Variants in HAPLN2 observed in about 807,000 individuals in gnomAD.
HAPLN2 encodes the protein hyaluronan and proteoglycan link protein 2.
HAPLN2 carries 27 observed loss-of-function variants against 29.3 expected under a neutral mutation model. That is an observed-to-expected ratio of 0.92 (90% CI 0.68 to 1.27). HAPLN2 has a LOEUF of 1.27. Ranked by LOEUF, HAPLN2 falls within the 50% of genes most tolerant of loss-of-function variation. HAPLN2 has a pLI of 0.00. For missense variants in HAPLN2, 454 were observed against 484.3 expected (o/e 0.94, Z 0.59); for synonymous variants, 208 against 211.7 (o/e 0.98, Z 0.15).
chr1:156,623,033 C>CAAGAAAAAAAAAAAA (rs1678287873), intron 2 of HAPLN2, among the ~76,000 whole-genome samples: 1 of 44,218 alleles, frequency 2.3e-5, no homozygotes, highest in Non-Finnish European at 5.0e-5. Flanking sequence ...CACTCTGTCT[C>CAAGAAAAAAAAAAAA]AAAAAAATAA....
At chr1:156,624,182 C>A (rs1678359995) in intron 4 of HAPLN2, 22 bp downstream of exon 4, 1 of 1,603,816 alleles carries the variant, frequency 6.2e-7, no homozygotes, top group Non-Finnish European at 8.5e-7. Flanking sequence ...CCGCTCCCGC[C>A]CCATTCCTGT....
At chr1:156,610,935 A>T in the HAPLN2 span, among the ~76,000 whole-genome samples, 1 of 152,244 alleles carries the variant, frequency 6.6e-6, no homozygotes, top group Non-Finnish European at 1.5e-5. Flanking sequence ...TAACAAACAT[A>T]AAAATCATAA....
upstream of HAPLN2, chr1:156,614,715 G>A (rs190585427): frequency 4.6e-5 from 7 of 152,236 alleles, no homozygotes; most frequent in Admixed American, 1.3e-4. Flanking sequence ...TTTGAGGCCT[G>A]GGAAAATAAG....
At chr1:156,622,487 AG>A (rs1282590423) in intron 2 of HAPLN2, among the ~76,000 whole-genome samples, 5 of 151,902 alleles carry the variant, frequency 3.3e-5, no homozygotes, top group African/African-American at 1.2e-4. Context: ...AGCAGATCAC[AG>A]TGCACTACAG....
In HAPLN2 at chr1:156,623,498, G is replaced by A; in HGVS notation, c.8G>A (p.Gly3Asp). The A allele has an allele frequency of 6.2e-7, 1 of 1,614,008 alleles. No individual in the cohort carries two copies. Among genetic ancestry groups the A allele is most frequent in the Non-Finnish European group, 8.5e-7 (1 of 1,180,002 alleles). The change falls in exon 3 of 7, where the codon GGC (glycine) becomes GAC (aspartate). Residue 3 changes from glycine (G) to aspartate (D), a missense_variant. Coordinates refer to ENST00000255039, the MANE Select transcript of HAPLN2 (RefSeq NM_021817.3). MPGWLTLPTLCRF... is the reference protein window; with the variant it reads MPDWLTLPTLCRF... ...CCGGGCTGACCCCCCATCATGCCAGGCTGGCTCACCCTCCCCACACTCTGC... is the reference window on the plus strand; with the variant it reads ...CCGGGCTGACCCCCCATCATGCCAGACTGGCTCACCCTCCCCACACTCTGC...
upstream of HAPLN2, among the ~76,000 whole-genome samples, chr1:156,618,872 T>C (rs879469897): frequency 5.3e-4 from 81 of 151,744 alleles, 2 homozygotes; most frequent in Non-Finnish European, 2.9e-5. Context: ...TTAAAAAGGT[T>C]ATCTATTTGT....
At chr1:156,616,879 G>T (rs913961695), upstream of HAPLN2, among the ~76,000 whole-genome samples, 1 of 152,040 alleles carries the variant, frequency 6.6e-6, no homozygotes, top group African/African-American at 2.4e-5. Flanking sequence ...TTGAGTCCAG[G>T]GGTTTGAGAG....
rs373807773 is a variant in HAPLN2 at position 156,623,557 on chromosome 1, A to G, written c.67A>G (p.Lys23Glu). The G allele has an allele frequency of 2.4e-5, 38 of 1,613,948 alleles. No homozygotes were observed. Among genetic ancestry groups the G allele is most frequent in the Non-Finnish European group, 3.2e-5 (38 of 1,180,006 alleles). ...TCTTTGGGCCTTCACCATCTTCCAC[A>G]AAGCCCAAGGAGACCCAGGTAAGAC... The part of the protein sequence containing the change: ...FLLWAFTIFH[K>E]AQGDPASHPG... Residue 23 changes from lysine (K) to glutamate (E), a missense_variant, in exon 3 of 7, where the codon AAA becomes GAA. Physicochemically the swap from Lys to Glu is moderately conservative, Grantham distance 56. Coordinates refer to ENST00000255039, the MANE Select transcript of HAPLN2 (RefSeq NM_021817.3).
intron 2 of HAPLN2, among the ~76,000 whole-genome samples, chr1:156,621,287 T>A (rs370941170): frequency 1.3e-5 from 2 of 151,766 alleles, no homozygotes; most frequent in Admixed American, 1.3e-4. Context: ...GTATTTTTAG[T>A]AGAGACAGGG....
the HAPLN2 span, among the ~76,000 whole-genome samples, chr1:156,613,762 A>C: frequency 6.6e-6 from 1 of 151,958 alleles, no homozygotes. Context: ...TTAAAAATAC[A>C]AAAAATTAGC....
rs1013908950 is a variant in HAPLN2 at position 156,625,252 on chromosome 1, C to G, written c.891C>G (p.Asp297Glu). 3.8e-6 allele frequency: 6 copies of G among 1,573,886 alleles called. No individual in the cohort carries two copies. The highest frequency in any genetic ancestry group is 2.7e-5 in the African/African-American group (2 of 73,978). The change falls in exon 7 of 7, where the codon GAC becomes GAG. Residue 297 changes from aspartate (D) to glutamate (E), a missense_variant. Physicochemically the swap from Asp to Glu is conservative, Grantham distance 45. Transcript: ENST00000255039. The surrounding 1 kb of genome is among the most constrained non-coding windows in gnomAD (Gnocchi z 5.7). ...AGTGCGACGGCGGCTGGCTGGCTGA[C>G]GGCAGTGTGCGCTTCCCAATCACCA... The part of the protein sequence containing the change: ...LDQCDGGWLA[D>E]GSVRFPITTP...
chr1:156,602,549 CAAAAAA>C, the HAPLN2 span, among the ~76,000 whole-genome samples: 3 of 43,790 alleles, frequency 6.9e-5, no homozygotes, highest in Admixed American at 3.9e-4. Flanking sequence ...CTAAAAATAC[CAAAAAA>C]AAAAAAAAAA....
the HAPLN2 span, among the ~76,000 whole-genome samples, chr1:156,613,916 C>CAAAAA: frequency 8.6e-6 from 1 of 115,776 alleles, no homozygotes; most frequent in African/African-American, 3.9e-5. Flanking sequence ...GATTCCTTCT[C>CAAAAA]AAAAAAAAAA....
At chr1:156,624,492 C>A in intron 5 of HAPLN2, 25 bp downstream of exon 5, 1 of 1,609,718 alleles carries the variant, frequency 6.2e-7, no homozygotes, top group East Asian at 2.2e-5. Context: ...CCAGCACTTC[C>A]CAAGCCCCGC....
upstream of HAPLN2, among the ~76,000 whole-genome samples, chr1:156,617,045 G>A (rs571698074): frequency 2.0e-5 from 3 of 151,966 alleles, no homozygotes; most frequent in Admixed American, 6.6e-5. Flanking sequence ...CGCCATGATC[G>A]TATCACTGCA....
chr1:156,625,328 G>A lies in HAPLN2; in HGVS notation c.967G>A (p.Gly323Ser). 6.3e-7 allele frequency: 1 copy of A among 1,595,994 alleles called. No homozygotes were observed. The highest frequency in any genetic ancestry group is 8.5e-7 in the Non-Finnish European group (1 of 1,172,370). ...GLPDPGVRSF[G>S]FPRPQQAAYG... is the part of the protein sequence containing the mutation. ...CCCGGATCCCGGAGTGCGCAGTTTC[G>A]GCTTCCCCAGGCCCCAACAGGCAGC... is the stretch of plus-strand genomic sequence containing the variant. The change falls in exon 7 of 7, where the codon GGC becomes AGC. Residue 323 changes from glycine (G) to serine (S), a missense_variant. Gly to Ser is a moderately conservative substitution (Grantham distance 56). Transcript: ENST00000255039. This position sits in a 1 kb window ranked among gnomAD's most constrained non-coding sequence, Gnocchi z 5.7.
the HAPLN2 span, among the ~76,000 whole-genome samples, chr1:156,610,137 C>T: frequency 2.0e-3 from 299 of 152,124 alleles, no homozygotes; most frequent in Middle Eastern, 3.4e-3. Flanking sequence ...TCGCTTGAAC[C>T]CAGGAGGTGG....
At chr1:156,611,833 A>T in the HAPLN2 span, among the ~76,000 whole-genome samples, 1 of 152,190 alleles carries the variant, frequency 6.6e-6, no homozygotes, top group African/African-American at 2.4e-5. Context: ...GCTGAGATTT[A>T]TGCTTAGACT....
rs1414531587 is a variant in HAPLN2 at position 156,624,659 on chromosome 1, C to G, written c.615C>G (p.Arg205=). 1 of 1,610,140 alleles carries G rather than the reference C, an allele frequency of 6.2e-7. No homozygotes were observed. Among genetic ancestry groups the G allele is most frequent in the Non-Finnish European group, 8.5e-7 (1 of 1,179,200 alleles). Residue 205 remains arginine, a synonymous_variant, in exon 6 of 7, where the codon CGC becomes CGG. Coordinates refer to ENST00000255039, the MANE Select transcript of HAPLN2 (RefSeq NM_021817.3). ...GCTGGCTGCTCGAGGGCTCCGTGCG[C>G]TACCCTGTGCTCACCGCACGCGCCC... ...NAGWLLEGSV[R]YPVLTARAPC... is the part of the protein sequence containing the mutation.
Sources: gnomAD v4.1 joint callset for allele counts (sites outside exome capture counted in the v4.1 genomes callset) on GRCh38, gnomAD v4.1.1 for gene constraint, Gnocchi (gnomAD v3.1) non-coding constraint, MANE v1.5 for transcripts, NCBI Gene and HGNC (gene_info 2026-07-23, HGNC 2026-07-21) for gene names.